The following PRR16 variants were observed in gnomAD, a reference collection of about 807,000 sequenced individuals.
PRR16 encodes protein Largen.
A neutral mutation model predicts 18.2 loss-of-function variants in PRR16; 6 were observed. The ratio of observed to expected loss-of-function variants is 0.33; its 90% confidence interval spans 0.18 to 0.65. The LOEUF is 0.65. PRR16 is among the 30% of genes least tolerant of loss of function. PRR16 has a pLI of 0.74. For synonymous variants in PRR16, 151 were observed against 147.8 expected (o/e 1.02, Z -0.16); for missense variants, 412 against 376.6 (o/e 1.09, Z -0.78).
chr5:120,601,148 A>G (rs1443879617), intron 1 of PRR16, among the ~76,000 whole-genome samples: 2 of 152,028 alleles, frequency 1.3e-5, no homozygotes, highest in African/African-American at 4.8e-5. Context: ...AGAAATCTCC[A>G]AACTGCTTTC....
intron 1 of PRR16, among the ~76,000 whole-genome samples, chr5:120,529,985 A>G (rs1395525247): frequency 6.6e-6 from 1 of 151,424 alleles, no homozygotes; most frequent in African/African-American, 2.4e-5. Flanking sequence ...CTGGGAGGAA[A>G]TGAGAAAAAG....
At chr5:120,707,770 C>T in the PRR16 span, among the ~76,000 whole-genome samples, 3 of 152,150 alleles carry the variant, frequency 2.0e-5, no homozygotes. Context: ...ACAATTATTT[C>T]AATTGTTAGT....
the PRR16 span, among the ~76,000 whole-genome samples, chr5:120,725,059 A>G: frequency 1.3e-5 from 2 of 152,062 alleles, no homozygotes; most frequent in Non-Finnish European, 2.9e-5. Context: ...TAACTGAATA[A>G]AATAAGAAAA....
intron 1 of PRR16, among the ~76,000 whole-genome samples, chr5:120,512,238 T>C (rs1005946333): frequency 7.8e-6 from 1 of 127,400 alleles, no homozygotes; most frequent in Non-Finnish European, 1.7e-5. Flanking sequence ...CCCCCACCTA[T>C]TGTCCTTAAT....
At chr5:120,738,402 T>G in the PRR16 span, among the ~76,000 whole-genome samples, 1 of 151,856 alleles carries the variant, frequency 6.6e-6, no homozygotes, top group Non-Finnish European at 1.5e-5. Flanking sequence ...GAAAAAAAAA[T>G]TTTTTATTTA....
chr5:120,508,276 A>G (rs900980393), intron 1 of PRR16, among the ~76,000 whole-genome samples: 1 of 152,184 alleles, frequency 6.6e-6, no homozygotes, highest in Non-Finnish European at 1.5e-5. Flanking sequence ...TGCAGTAGTT[A>G]CTATACACTT....
chr5:120,529,117 A>T (rs1441515059), intron 1 of PRR16, among the ~76,000 whole-genome samples: 1 of 152,170 alleles, frequency 6.6e-6, no homozygotes. Context: ...GTACACTTCC[A>T]TTGATGAAGA....
At chr5:120,714,278 A>C in the PRR16 span, among the ~76,000 whole-genome samples, 1 of 152,200 alleles carries the variant, frequency 6.6e-6, no homozygotes, top group Non-Finnish European at 1.5e-5. Context: ...GAACTAATTT[A>C]ATATTCTGAT....
rs75392189 is a variant in PRR16 at position 120,533,790 on chromosome 5, G to A, written c.159+69145G>A. Among the ~76,000 whole-genome samples, 124 of 152,330 alleles carry A rather than the reference G, an allele frequency of 8.1e-4. 1 individual carries two copies. The East Asian group carries it at 0.022, about 27-fold the overall frequency. On this transcript the variant is annotated intron_variant, in intron 1 of 1. Coordinates refer to ENST00000407149, the MANE Select transcript of PRR16 (RefSeq NM_001300783.2). ...CAAAACTTTTAACTTTTCTCTGAGT[G>A]AAATAGGAGACTACTTCAGACTGTT...
chr5:120,749,500 A>G, the PRR16 span, among the ~76,000 whole-genome samples: 2 of 152,108 alleles, frequency 1.3e-5, no homozygotes, highest in African/African-American at 2.4e-5. Flanking sequence ...TTGTTTTCCA[A>G]GTGTTGCTAT....
At chr5:120,792,210 C>G in the PRR16 span, among the ~76,000 whole-genome samples, 1 of 151,540 alleles carries the variant, frequency 6.6e-6, no homozygotes, top group Middle Eastern at 3.2e-3. Flanking sequence ...ACCAGCTGTA[C>G]TCTCTCACGA....
chr5:120,621,442 C>G (rs2112822154), intron 1 of PRR16, among the ~76,000 whole-genome samples: 1 of 152,204 alleles, frequency 6.6e-6, no homozygotes, highest in Admixed American at 6.6e-5. Context: ...AATCTCGTCT[C>G]AGTCTCTGAT....
chr5:120,728,903 T>A, the PRR16 span, among the ~76,000 whole-genome samples: 2 of 152,194 alleles, frequency 1.3e-5, no homozygotes, highest in Non-Finnish European at 2.9e-5. Context: ...AATGAAGATT[T>A]AATTTGGTGC....
chr5:120,663,403 G>T (rs977816392), intron 1 of PRR16, among the ~76,000 whole-genome samples: 1 of 151,974 alleles, frequency 6.6e-6, no homozygotes, highest in South Asian at 2.1e-4. Context: ...TAAAAATCAT[G>T]CATGTTTGCT....
chr5:120,727,810 A>G, the PRR16 span, among the ~76,000 whole-genome samples: 22 of 152,180 alleles, frequency 1.4e-4, no homozygotes, highest in Admixed American at 1.4e-3. Context: ...GAAAATATAG[A>G]AAATAAGAAA....
the PRR16 span, among the ~76,000 whole-genome samples, chr5:120,706,498 T>A: frequency 1.1e-4 from 16 of 152,172 alleles, no homozygotes; most frequent in African/African-American, 3.6e-4. Flanking sequence ...GGAATTTTTT[T>A]AAGTTGTTCA....
At chr5:120,721,051 T>C in the PRR16 span, among the ~76,000 whole-genome samples, 207 of 152,210 alleles carry the variant, frequency 1.4e-3, no homozygotes, top group African/African-American at 4.7e-3. Flanking sequence ...ATGGAAACTT[T>C]TAAACATCAT....
chr5:120,609,361 C>T (rs1460494983), intron 1 of PRR16, among the ~76,000 whole-genome samples: 2 of 151,968 alleles, frequency 1.3e-5, no homozygotes, highest in Admixed American at 1.3e-4. Flanking sequence ...AAGGACTCCC[C>T]ACTTCTCTCT....
intron 1 of PRR16, among the ~76,000 whole-genome samples, chr5:120,605,174 C>G (rs1485522886): frequency 6.6e-6 from 1 of 152,168 alleles, no homozygotes; most frequent in African/African-American, 2.4e-5. Context: ...CCATCTCTTT[C>G]AGGAATCCCA....
Sources: allele counts gnomAD v4.1 joint callset (sites outside exome capture counted in the v4.1 genomes callset), GRCh38; gene constraint gnomAD v4.1.1; transcripts MANE v1.5; gene names NCBI Gene and HGNC (gene_info 2026-07-23, HGNC 2026-07-21).